Variants in PCSK5 observed in about 807,000 individuals in gnomAD.
The protein encoded by PCSK5 is proprotein convertase subtilisin/kexin type 5, also known as prohormone convertase 5.
In PCSK5, 129 loss-of-function variants were observed where a neutral mutation model predicts 233.2. The observed-to-expected ratio is 0.55, with a 90% confidence interval of 0.48 to 0.64. PCSK5 has a LOEUF of 0.64. Ranked by LOEUF, PCSK5 falls within the 30% of genes least tolerant of loss-of-function variation. PCSK5 has a pLI of 0.00. For synonymous variants in PCSK5, 825 were observed against 879.2 expected, an observed-to-expected ratio of 0.94 and a Z score of 1.09; for missense variants, 2,076 against 2,430.1, an observed-to-expected ratio of 0.85 and a Z score of 3.06.
chr9:75,902,214 TAAAAAAAAAAAAAAA>T (rs200579439), intron 1 of PCSK5, among the ~76,000 whole-genome samples: 28 of 53,296 alleles, frequency 5.3e-4, no homozygotes, highest in East Asian at 1.5e-3. Flanking sequence ...AGACACCATC[TAAAAAAAAAAAAAAA>T]AAAAAAAAAA....
At chr9:75,937,199 TA>T (rs1554708936) in intron 2 of PCSK5, among the ~76,000 whole-genome samples, 1 of 116,922 alleles carries the variant, frequency 8.6e-6, no homozygotes. Flanking sequence ...TTTTTTTTTT[TA>T]AAGAGTCTCG....
rs775159059 is a variant in PCSK5 at position 76,323,126 on chromosome 9, C to T, written c.4177C>T (p.Arg1393Cys). The change falls in exon 32 of 38, where the codon CGC (arginine) becomes TGC (cysteine). Residue 1393 changes from arginine to cysteine, a missense_variant. Transcript: ENST00000674117. ...TCCCCGTGGCTTCTATGCAGACTCG[C>T]GCCACTGTGTCCCCTGCCATAAAGA... ...SCPRGFYADS[R>C]HCVPCHKDCL... 22 of 1,611,842 alleles carry T rather than the reference C, an allele frequency of 1.4e-5. No homozygotes were observed. The East Asian group carries it at 2.2e-4, about 16-fold the overall frequency.
chr9:76,167,332 C>T lies in PCSK5; in HGVS notation c.1620-2372C>T, dbSNP rs909364476. On this transcript the variant is annotated intron_variant, in intron 12 of 37. Coordinates refer to ENST00000674117, the MANE Select transcript of PCSK5 (RefSeq NM_001372043.1). ...CCCCATTATGGAAATTGATAAAACACATTTGCATATTCTGAAGATCTGAGA... is the reference window on the plus strand; with the variant it reads ...CCCCATTATGGAAATTGATAAAACATATTTGCATATTCTGAAGATCTGAGA... Among the ~76,000 whole-genome samples the T allele has an allele frequency of 2.6e-5, 4 of 152,318 alleles. 1 individual carries two copies. Among genetic ancestry groups the T allele is most frequent in the Admixed American group, 6.5e-5 (1 of 15,294 alleles).
At chr9:76,272,629 G>T (rs1827551865) in intron 24 of PCSK5, among the ~76,000 whole-genome samples, 1 of 151,494 alleles carries the variant, frequency 6.6e-6, no homozygotes, top group Admixed American at 6.6e-5. Flanking sequence ...AAAAAAATTA[G>T]CTGGGCATGG....
intron 9 of PCSK5, among the ~76,000 whole-genome samples, chr9:76,108,992 C>A (rs2131683931): frequency 6.6e-6 from 1 of 152,276 alleles, no homozygotes; most frequent in Admixed American, 6.5e-5. Context: ...GAGAGATATC[C>A]AAGCTCCCAT....
intron 10 of PCSK5, 86 bp downstream of exon 10, chr9:76,134,298 C>A: frequency 2.7e-6 from 2 of 734,464 alleles, no homozygotes; most frequent in Non-Finnish European, 4.4e-6. Context: ...CAGAACCCCT[C>A]AAACGAAACT....
chr9:75,965,353 TGA>T (rs34017900), intron 2 of PCSK5, among the ~76,000 whole-genome samples: 140,156 of 151,672 alleles, frequency 0.92, 64,895 homozygotes, highest in Middle Eastern at 0.95. Context: ...TTACAGAAGC[TGA>T]GAGAGGTCCC....
At chr9:76,338,748 G>A (rs1335802653) in intron 35 of PCSK5, among the ~76,000 whole-genome samples, 1 of 152,042 alleles carries the variant, frequency 6.6e-6, no homozygotes, top group Non-Finnish European at 1.5e-5. Flanking sequence ...CTGTCTGGGG[G>A]AATTTGTTTA....
intron 30 of PCSK5, among the ~76,000 whole-genome samples, chr9:76,320,465 C>CTTTT (rs140154837): frequency 7.0e-4 from 71 of 102,006 alleles, no homozygotes; most frequent in African/African-American, 1.5e-3. Flanking sequence ...TACATTGTAG[C>CTTTT]TTTTTTTTTT....
At chr9:76,317,467 GA>G (rs1829064354) in intron 30 of PCSK5, among the ~76,000 whole-genome samples, 1 of 152,230 alleles carries the variant, frequency 6.6e-6, no homozygotes, top group Middle Eastern at 3.2e-3. Flanking sequence ...GTAAATAAAT[GA>G]CTGAAAGAAT....
At chr9:76,238,032 T>C (rs1826305487) in intron 22 of PCSK5, among the ~76,000 whole-genome samples, 1 of 152,160 alleles carries the variant, frequency 6.6e-6, no homozygotes, top group Non-Finnish European at 1.5e-5. Context: ...ACATGACGAA[T>C]GAACCCTAGA....
intron 3 of PCSK5, among the ~76,000 whole-genome samples, chr9:75,988,294 T>A (rs1203016459): frequency 6.9e-6 from 1 of 145,404 alleles, no homozygotes; most frequent in East Asian, 2.0e-4. Flanking sequence ...TTTTCTTTTC[T>A]TTTTTTTTTT....
At chr9:76,150,084 G>A (rs1337378145) in intron 10 of PCSK5, among the ~76,000 whole-genome samples, 1 of 152,158 alleles carries the variant, frequency 6.6e-6, no homozygotes, top group African/African-American at 2.4e-5. Context: ...AGTACATAGT[G>A]CGTGGAGAAG....
intron 6 of PCSK5, among the ~76,000 whole-genome samples, chr9:76,071,454 A>G (rs1830477918): frequency 6.6e-6 from 1 of 152,186 alleles, no homozygotes; most frequent in Non-Finnish European, 1.5e-5. Context: ...ATGAGAAGGG[A>G]GAGACTGTGG....
chr9:76,094,343 G>T (rs1412501360), intron 7 of PCSK5, among the ~76,000 whole-genome samples: 2 of 152,168 alleles, frequency 1.3e-5, no homozygotes, highest in Non-Finnish European at 2.9e-5. Flanking sequence ...AAGGAAGAAA[G>T]TCTCTGCCAT....
chr9:75,966,594 T>C (rs77314596), intron 2 of PCSK5, among the ~76,000 whole-genome samples: 5 of 152,334 alleles, frequency 3.3e-5, no homozygotes, highest in Non-Finnish European at 4.4e-5. Context: ...ATTTAATGAA[T>C]AGCAGGTGAA....
intron 24 of PCSK5, among the ~76,000 whole-genome samples, chr9:76,264,898 G>A (rs986904715): frequency 4.6e-5 from 7 of 152,016 alleles, no homozygotes; most frequent in Non-Finnish European, 7.4e-5. Flanking sequence ...AATATATCCA[G>A]TATATTTATA....
chr9:75,900,790 G>A (rs1054421740), intron 1 of PCSK5, among the ~76,000 whole-genome samples: 13 of 150,954 alleles, frequency 8.6e-5, no homozygotes, highest in Admixed American at 7.3e-4. Flanking sequence ...TCCAAGTTTG[G>A]AAGATAAATG....
chr9:76,336,726 A>T (rs1316241337), intron 34 of PCSK5, among the ~76,000 whole-genome samples: 2 of 152,182 alleles, frequency 1.3e-5, no homozygotes, highest in Non-Finnish European at 2.9e-5. Flanking sequence ...TAATGTGCCC[A>T]TCATGGTCCC....
Sources: gnomAD v4.1 joint callset for allele counts (sites outside exome capture counted in the v4.1 genomes callset) on GRCh38, gnomAD v4.1.1 for gene constraint, MANE v1.5 for transcripts, NCBI Gene and HGNC (gene_info 2026-07-23, HGNC 2026-07-21) for gene names.